Variants in TBC1D22A observed in about 807,000 individuals in gnomAD.
TBC1D22A encodes the protein TBC1 domain family member 22A.
A neutral mutation model predicts 60.2 loss-of-function variants in TBC1D22A; 38 were observed. The ratio of observed to expected loss-of-function variants is 0.63; its 90% CI spans 0.49 to 0.83. The LOEUF is 0.83. Ranked by LOEUF, TBC1D22A falls within the 40% of genes least tolerant of loss-of-function variation. TBC1D22A has a pLI of 0.00. For synonymous variants in TBC1D22A, 302 were observed against 281.7 expected, an observed-to-expected ratio of 1.07 and a Z score of -0.72; for missense variants, 628 against 701.0, an observed-to-expected ratio of 0.90 and a Z score of 1.18.
intron 5 of TBC1D22A, among the ~76,000 whole-genome samples, chr22:46,888,383 T>C (rs183029620): frequency 6.6e-6 from 1 of 152,332 alleles, no homozygotes; most frequent in Admixed American, 6.5e-5. Context: ...TGATGTCTAC[T>C]ACAGATGGGG....
intron 9 of TBC1D22A, among the ~76,000 whole-genome samples, chr22:46,995,291 C>T (rs748530339): frequency 6.6e-6 from 1 of 152,174 alleles, no homozygotes; most frequent in Non-Finnish European, 1.5e-5. Flanking sequence ...GTGGTTCTGC[C>T]CTCAGAGATG....
At chr22:46,805,998 ACC>A (rs2085115680) in intron 4 of TBC1D22A, among the ~76,000 whole-genome samples, 1 of 118,108 alleles carries the variant, frequency 8.5e-6, no homozygotes, top group African/African-American at 3.2e-5. Flanking sequence ...GATTACAGGC[ACC>A]CACCACCACA....
At chr22:46,935,298 T>C (rs2071581439) in intron 8 of TBC1D22A, among the ~76,000 whole-genome samples, 1 of 152,240 alleles carries the variant, frequency 6.6e-6, no homozygotes, top group African/African-American at 2.4e-5. Flanking sequence ...GAAACTTTGG[T>C]TGAACATTCA....
At chr22:46,973,408 C>T (rs116035680) in intron 8 of TBC1D22A, among the ~76,000 whole-genome samples, 116 of 152,324 alleles carry the variant, frequency 7.6e-4, no homozygotes, top group East Asian at 3.9e-3. Flanking sequence ...GGGCCTGGCG[C>T]GTCAGCAGAC....
chr22:47,027,821 C>G (rs576713634), intron 10 of TBC1D22A, among the ~76,000 whole-genome samples: 31 of 152,312 alleles, frequency 2.0e-4, no homozygotes, highest in Non-Finnish European at 4.1e-4. Context: ...ACTGGGCGAG[C>G]CTTCCAGAAG....
At chr22:47,088,080 A>AAATAAT (rs58677307) in intron 11 of TBC1D22A, among the ~76,000 whole-genome samples, 280 of 121,402 alleles carry the variant, frequency 2.3e-3, no homozygotes, top group East Asian at 8.8e-3. Flanking sequence ...CTCAAATAAA[A>AAATAAT]AATAATAATA....
intron 12 of TBC1D22A, among the ~76,000 whole-genome samples, chr22:47,168,304 G>A (rs190009893): frequency 5.5e-4 from 81 of 146,946 alleles, no homozygotes; most frequent in African/African-American, 2.0e-3. Context: ...GAGATGCTGG[G>A]GAGAACTCAC....
chr22:47,111,416 C>A, intron 11 of TBC1D22A, 92 bp from the exon 12 acceptor site: 1 of 1,164,314 alleles, frequency 8.6e-7, no homozygotes, highest in South Asian at 1.4e-5. Context: ...TGAACCCTGA[C>A]TAGATAAACC....
chr22:47,149,781 T>C (rs999731746), intron 12 of TBC1D22A, among the ~76,000 whole-genome samples: 3 of 152,194 alleles, frequency 2.0e-5, no homozygotes, highest in African/African-American at 7.2e-5. Context: ...GAGGATGTGA[T>C]GTCCTCTTGG....
At chr22:46,847,954 T>TGTGC (rs1389221108) in intron 4 of TBC1D22A, among the ~76,000 whole-genome samples, 200 of 53,888 alleles carry the variant, frequency 3.7e-3, no homozygotes, top group African/African-American at 0.01. Context: ...TGTGTGTGTG[T>TGTGC]GCGCGCGCGC....
chr22:46,874,858 GCCACTGCAC>G (rs1416296423), intron 4 of TBC1D22A, among the ~76,000 whole-genome samples: 2 of 152,166 alleles, frequency 1.3e-5, no homozygotes. Context: ...ACAGGCGTGA[GCCACTGCAC>G]CTGGCCTTTT....
chr22:46,956,635 G>A (rs763771705), intron 8 of TBC1D22A, among the ~76,000 whole-genome samples: 8 of 152,170 alleles, frequency 5.3e-5, no homozygotes, highest in African/African-American at 1.7e-4. Flanking sequence ...TGTCAAGCCC[G>A]AAAGTTGAGT....
intron 12 of TBC1D22A, among the ~76,000 whole-genome samples, chr22:47,160,258 G>T (rs992106698): frequency 6.6e-6 from 1 of 152,222 alleles, no homozygotes; most frequent in Admixed American, 6.5e-5. Context: ...GGTGGAGCTG[G>T]AGCACGTGGT....
At chr22:46,893,717 C>A (rs866099795) in intron 6 of TBC1D22A, among the ~76,000 whole-genome samples, 1 of 152,252 alleles carries the variant, frequency 6.6e-6, no homozygotes, top group African/African-American at 2.4e-5. Context: ...GGGCCAGCTT[C>A]AGTCCTTTGG....
intron 10 of TBC1D22A, among the ~76,000 whole-genome samples, chr22:47,036,660 G>C (rs1157898585): frequency 6.6e-6 from 1 of 152,198 alleles, no homozygotes; most frequent in Non-Finnish European, 1.5e-5. Context: ...CCCTCCTGAG[G>C]AGCTGGCAAG....
At chr22:47,161,729 G>T (rs1463487868) in intron 12 of TBC1D22A, among the ~76,000 whole-genome samples, 1 of 152,256 alleles carries the variant, frequency 6.6e-6, no homozygotes, top group Non-Finnish European at 1.5e-5. Flanking sequence ...TGCCAGCCAG[G>T]TGGCTCCTGG....
chr22:46,987,633 C>T (rs111474998), intron 9 of TBC1D22A, among the ~76,000 whole-genome samples: 7 of 152,148 alleles, frequency 4.6e-5, no homozygotes, highest in South Asian at 2.1e-4. Flanking sequence ...GTGTACATAC[C>T]GGAATTCAAA....
intron 8 of TBC1D22A, among the ~76,000 whole-genome samples, chr22:46,946,624 C>T (rs781779064): frequency 3.9e-5 from 6 of 152,142 alleles, no homozygotes; most frequent in African/African-American, 9.7e-5. Flanking sequence ...GTGAGTCCCA[C>T]GGCTGTGCGG....
At chr22:46,830,953 G>A (rs539839375) in intron 4 of TBC1D22A, among the ~76,000 whole-genome samples, 12 of 152,246 alleles carry the variant, frequency 7.9e-5, no homozygotes, top group African/African-American at 2.6e-4. Flanking sequence ...TGGAGTCAGA[G>A]AATCTAGTGA....
Sources: gnomAD v4.1 joint callset for allele counts (sites outside exome capture counted in the v4.1 genomes callset) on GRCh38, gnomAD v4.1.1 for gene constraint, MANE v1.5 for transcripts, NCBI Gene and HGNC (gene_info 2026-07-23, HGNC 2026-07-21) for gene names.